The following TMCC2 variants were observed in gnomAD, a reference collection of about 807,000 sequenced individuals.
TMCC2 encodes the protein transmembrane and coiled-coil domain family 2, also known as transmembrane and coiled-coil domains protein 2.
A neutral mutation model predicts 49.4 loss-of-function variants in TMCC2; 16 were observed. The observed-to-expected ratio is 0.32, with a 90% CI of 0.22 to 0.49. The LOEUF (loss-of-function observed/expected upper bound fraction) is 0.49. TMCC2 is among the 20% of genes least tolerant of loss of function. The pLI is 0.99. For missense variants in TMCC2, 762 were observed against 989.8 expected, an observed-to-expected ratio of 0.77 and a Z score of 3.09; for synonymous variants, 397 against 434.1, an observed-to-expected ratio of 0.91 and a Z score of 1.06.
chr1:205,232,352 A>T (rs1659833942), intron 1 of TMCC2, among the ~76,000 whole-genome samples: 1 of 152,214 alleles, frequency 6.6e-6, no homozygotes, highest in African/African-American at 2.4e-5. Context: ...CTGCAACAGG[A>T]GCACAACAAT....
At chr1:205,261,674 G>A (rs1338300272) in intron 2 of TMCC2, among the ~76,000 whole-genome samples, 16 of 137,206 alleles carry the variant, frequency 1.2e-4, no homozygotes, top group African/African-American at 2.5e-4. Context: ...GTGAGAACCC[G>A]TCTCAAAAAA....
At chr1:205,240,955 A>G (rs1660240259) in intron 1 of TMCC2, among the ~76,000 whole-genome samples, 1 of 152,240 alleles carries the variant, frequency 6.6e-6, no homozygotes, top group South Asian at 2.1e-4. Context: ...TTGGTAAGAA[A>G]GAAAAATAGA....
Position 205,269,702 on chromosome 1 carries a change from G to A in TMCC2, c.1500G>A (p.Ala500=), listed in dbSNP as rs544973073. ...ACTCTGGGGCTGGGCCTGGTGGGGC[G>A]CTGGGGAGCCCTAAGTCCAATGCAC... is the stretch of plus-strand genomic sequence containing the variant. ...GSNSGAGPGG[A]LGSPKSNALY... The change falls in exon 3 of 5, where the codon GCG becomes GCA. Residue 500 remains alanine (A), a synonymous_variant. Transcript: ENST00000358024. 18 of 1,613,982 alleles carry A rather than the reference G, an allele frequency of 1.1e-5. No homozygotes were observed. In the Middle Eastern group the frequency reaches 6.6e-4, roughly 59 times the overall value.
intron 1 of TMCC2, chr1:205,229,148 G>T: frequency 9.4e-7 from 1 of 1,067,558 alleles, no homozygotes; most frequent in Non-Finnish European, 1.1e-6. Flanking sequence ...TACCCATTGG[G>T]ATCTTTGTGT....
intron 1 of TMCC2, 50 bp downstream of exon 1, chr1:205,228,821 G>A: frequency 2.0e-6 from 3 of 1,535,930 alleles, no homozygotes; most frequent in Non-Finnish European, 2.6e-6. Flanking sequence ...CTTAGCTCTC[G>A]CCACCCCACG....
At chr1:205,246,865 C>G (rs998511872) in intron 2 of TMCC2, among the ~76,000 whole-genome samples, 1 of 151,934 alleles carries the variant, frequency 6.6e-6, no homozygotes, top group African/African-American at 2.4e-5. Flanking sequence ...GGGCAGTGGG[C>G]ACTGTCGGAA....
chr1:205,255,438 C>G (rs573951519), intron 2 of TMCC2, among the ~76,000 whole-genome samples: 1 of 152,184 alleles, frequency 6.6e-6, no homozygotes, highest in South Asian at 2.1e-4. Context: ...GCCTGTAGTC[C>G]CAGCTACTTG....
rs1233439223 is a variant in TMCC2, at chr1:205,272,929, T to C, written c.*805T>C. 1 of 152,674 alleles carries C rather than the reference T, an allele frequency of 6.5e-6. No homozygotes were observed. Among genetic ancestry groups the C allele is most frequent in the Non-Finnish European group, 1.5e-5 (1 of 68,212 alleles). The allele number at this position is 152,674 out of a possible 1,614,324, so 9.5% of individuals were successfully genotyped here. On this transcript the variant is annotated 3_prime_UTR_variant, in exon 5 of 5. Transcript: ENST00000358024. ...CTTTGTTCCCTACCCGTGCCCCCAG[T>C]GTCTTCCCTGCTGAGTACCAGGAGA...
chr1:205,270,942 AGAAGT>A (rs1372279090), intron 3 of TMCC2, among the ~76,000 whole-genome samples, 173 bp from the exon 4 acceptor site: 1 of 152,254 alleles, frequency 6.6e-6, no homozygotes, highest in African/African-American at 2.4e-5. Flanking sequence ...CCTACACCTA[AGAAGT>A]GCTGTGTAAA....
At position 205,256,195 on chromosome 1, in the gene TMCC2, A is replaced by G. The variant is rs1172148; in HGVS notation, c.748-12755A>G. The stretch of plus-strand genomic sequence containing the variant: ...GTATTTAAGCCTGGAGTTCCTCACC[A>G]GACTCAAGTGGGTGCAGAATCCATG... On this transcript the variant is annotated intron_variant, in intron 2 of 4. Transcript: ENST00000358024. The G allele has an allele frequency of 1.4e-5, 20 of 1,458,236 alleles. No individual in the cohort carries two copies. The African/African-American group carries it at 2.5e-4, about 19-fold the overall frequency. 90.3% of individuals were successfully genotyped at this position (1,458,236 alleles called of 1,614,324 possible).
At chr1:205,253,365 G>C (rs1480987396) in intron 2 of TMCC2, among the ~76,000 whole-genome samples, 1 of 152,218 alleles carries the variant, frequency 6.6e-6, no homozygotes, top group Non-Finnish European at 1.5e-5. Context: ...CGTGCAGAGA[G>C]AAGAGCCTGT....
chr1:205,248,116 A>G (rs12026002), intron 2 of TMCC2, among the ~76,000 whole-genome samples: 26,682 of 152,194 alleles, frequency 0.18, 3,123 homozygotes, highest in East Asian at 0.44. Flanking sequence ...ACAAAAACAA[A>G]ACATTCTTGG....
chr1:205,255,072 G>A (rs1660809951), intron 2 of TMCC2, among the ~76,000 whole-genome samples: 1 of 152,090 alleles, frequency 6.6e-6, no homozygotes, highest in Non-Finnish European at 1.5e-5. Context: ...ACATGGTGGT[G>A]CACACCAGTA....
Position 205,269,177 on chromosome 1 carries a change from C to G in TMCC2, c.975C>G (p.Asp325Glu). Residue 325 changes from aspartate to glutamate, a missense_variant, in exon 3 of 5, where the codon GAC becomes GAG. Physicochemically the swap from Asp to Glu is conservative, Grantham distance 45 (BLOSUM62 2). Coordinates refer to ENST00000358024, the MANE Select transcript of TMCC2 (RefSeq NM_014858.4). ...ATCTGAAACTGGCCAACAACGCGGA[C>G]AAGCAGCAGGTGTCACGCATCAAGC... ...AEYLKLANNA[D>E]KQQVSRIKQV... The G allele has an allele frequency of 6.2e-7, 1 of 1,614,148 alleles. No individual in the cohort carries two copies. Among genetic ancestry groups the G allele is most frequent in the South Asian group, 1.1e-5 (1 of 91,088 alleles).
chr1:205,269,288 G>A lies in TMCC2; in HGVS notation c.1086G>A (p.Lys362=), dbSNP rs754305659. ...KKLEHYRRRL[K]EIEQNGPSRQ... ...TGGAGCACTACCGCCGGCGCCTGAA[G>A]GAGATTGAGCAGAACGGGCCCTCGC... Residue 362 remains lysine, a synonymous_variant, in exon 3 of 5, where the codon AAG becomes AAA. Transcript: ENST00000358024. 1 of 1,613,764 alleles carries A rather than the reference G, an allele frequency of 6.2e-7. No homozygotes were observed. The highest frequency in any genetic ancestry group is 1.1e-5 in the South Asian group (1 of 91,092).
At chr1:205,267,699 TTC>T (rs1009708914) in intron 2 of TMCC2, among the ~76,000 whole-genome samples, 1 of 152,120 alleles carries the variant, frequency 6.6e-6, no homozygotes. Context: ...TTTTCCTCCT[TTC>T]TCTCCCTCCC....
chr1:205,239,283 T>C lies in TMCC2; in HGVS notation c.208-2222T>C, dbSNP rs114329370. On this transcript the variant is annotated intron_variant, in intron 1 of 4. Coordinates refer to ENST00000358024, the MANE Select transcript of TMCC2 (RefSeq NM_014858.4). ...AGAGCCAGCTGGCCCCATCACAGTG[T>C]CTGGAGGGAGGTCTCACATCAGCTT... Among the ~76,000 whole-genome samples, 729 of 152,274 alleles carry C rather than the reference T, an allele frequency of 4.8e-3. 4 individuals carry two copies. Among genetic ancestry groups the C allele is most frequent in the African/African-American group, 0.017 (705 of 41,550 alleles).
chr1:205,271,388 G>A, intron 4 of TMCC2, 133 bp downstream of exon 4: 1 of 1,435,986 alleles, frequency 7.0e-7, no homozygotes, highest in Non-Finnish European at 9.7e-7. Flanking sequence ...TAGGCACATG[G>A]ATGAAGAGGG....
At position 205,271,916 on chromosome 1, in the gene TMCC2, C is replaced by A; in HGVS notation, c.1922C>A (p.Ala641Glu). ...GGCGTGGAGAATGCCAACGCGCGGGCGCTGCTGGGCAAGTTCATCAACGTG... is the reference window on the plus strand; with the variant it reads ...GGCGTGGAGAATGCCAACGCGCGGGAGCTGCTGGGCAAGTTCATCAACGTG... ...LEGVENANAR[A>E]LLGKFINVIL... Residue 641 changes from alanine (A) to glutamate (E), a missense_variant, in exon 5 of 5, where the codon GCG becomes GAG. Physicochemically the swap from Ala to Glu is moderately radical, Grantham distance 107. This residue lies in a region of TMCC2 where 440 missense variants were observed against 636.7 expected (regional missense o/e 0.69). Transcript: ENST00000358024. 6.2e-7 allele frequency: 1 copy of A among 1,614,194 alleles called. No homozygotes were observed. Among genetic ancestry groups the A allele is most frequent in the Non-Finnish European group, 8.5e-7 (1 of 1,180,026 alleles).
Sources: gnomAD v4.1 joint callset for allele counts (sites outside exome capture counted in the v4.1 genomes callset) on GRCh38, gnomAD v4.1.1 for gene constraint, gnomAD v4.1.1 regional missense constraint, MANE v1.5 for transcripts, NCBI Gene and HGNC (gene_info 2026-07-23, HGNC 2026-07-21) for gene names.